Variants in PARD3 observed in about 807,000 individuals in gnomAD.
PARD3 encodes partitioning defective 3 homolog.
A neutral mutation model predicts 155.4 loss-of-function variants in PARD3; 75 were observed. That is an observed-to-expected ratio of 0.48 (90% CI 0.40 to 0.58). PARD3 has a LOEUF of 0.58. Ranked by LOEUF, PARD3 falls within the 20% of genes least tolerant of loss-of-function variation. The probability of loss-of-function intolerance (pLI) is 0.00; values close to 1 mark genes in which losing one functional copy is unlikely to be tolerated. For synonymous variants in PARD3, 576 were observed against 610.5 expected (o/e 0.94, Z 0.83); for missense variants, 1,642 against 1,721.7 (o/e 0.95, Z 0.82).
At position 34,776,833 on chromosome 10, in the gene PARD3, T is replaced by TTTTTGGGG. The variant is rs1564608800; in HGVS notation, c.120+38042_120+38043insCCCCAAAA. On this transcript the variant is annotated intron_variant, in intron 1 of 24. Coordinates refer to ENST00000374788, the MANE Select transcript of PARD3 (RefSeq NM_001184785.2). ...CCAAGTATTTTCAGTCGTGTTTTTTTGTGGGGGGGGGGGGCGGGTGGGGGA... is the reference window on the plus strand; with the variant it reads ...CCAAGTATTTTCAGTCGTGTTTTTTTTTTTGGGGGTGGGGGGGGGGGGCGGGTGGGGGA... Among the ~76,000 whole-genome samples, 2 of 9,918 alleles carry TTTTTGGGG rather than the reference T, an allele frequency of 2.0e-4. 1 individual carries two copies. Among genetic ancestry groups the TTTTTGGGG allele is most frequent in the African/African-American group, 5.7e-4 (2 of 3,492 alleles). The allele number at this position is 9,918 out of a possible 152,430, so 6.5% of individuals were successfully genotyped here.
intron 7 of PARD3, among the ~76,000 whole-genome samples, chr10:34,390,004 T>C (rs7094027): frequency 0.041 from 6,203 of 152,310 alleles, 405 homozygotes; most frequent in African/African-American, 0.14. Context: ...CCAATGCGTA[T>C]GTTATAGTTC....
chr10:34,341,133 A>C (rs1317506085), intron 16 of PARD3, among the ~76,000 whole-genome samples: 1 of 149,552 alleles, frequency 6.7e-6, no homozygotes. Flanking sequence ...AGAAGTCACT[A>C]TGTTAAAAGC....
rs767945506 is a variant in PARD3, at chr10:34,623,979, C to CA, written c.222+72338dup. 5.6e-3 allele frequency among the ~76,000 whole-genome samples: 670 copies of CA among 120,340 alleles called. 3 individuals are homozygous for CA. Among genetic ancestry groups the CA allele is most frequent in the South Asian group, 0.019 (70 of 3,698 alleles). 78.9% of individuals were successfully genotyped at this position (120,340 alleles called of 152,430 possible). A position where few individuals can be genotyped will look rare whatever the true frequency, so the allele number is the denominator to read the frequency against. On this transcript the variant is annotated intron_variant, in intron 2 of 24. Transcript: ENST00000374788. ...TGGGCCACAGAGCAAGACTCCGTCT[C>CA]AAAAAAAAAAAAAAAAGTCAGCGCG... is the stretch of plus-strand genomic sequence containing the variant.
intron 5 of PARD3, among the ~76,000 whole-genome samples, chr10:34,448,163 G>A (rs990182640): frequency 2.7e-5 from 4 of 149,638 alleles, no homozygotes; most frequent in African/African-American, 9.9e-5. Flanking sequence ...GTGTGTGTGT[G>A]TACACATAAA....
At chr10:34,525,484 A>G (rs914185976) in intron 2 of PARD3, among the ~76,000 whole-genome samples, 3 of 152,176 alleles carry the variant, frequency 2.0e-5, no homozygotes, top group Non-Finnish European at 1.5e-5. Context: ...GCAGTACCTC[A>G]CCTATGGGTA....
intron 22 of PARD3, among the ~76,000 whole-genome samples, chr10:34,237,569 T>C (rs2133620638): frequency 6.6e-6 from 1 of 152,308 alleles, no homozygotes; most frequent in South Asian, 2.1e-4. Context: ...CCATACAATA[T>C]CTCAAACAGC....
intron 2 of PARD3, among the ~76,000 whole-genome samples, chr10:34,622,679 A>G (rs2489655): frequency 0.53 from 80,027 of 152,010 alleles, 24,464 homozygotes; most frequent in African/African-American, 0.86. Flanking sequence ...TCAGCCAGTC[A>G]TTTTCAGTTT....
At chr10:34,763,353 A>G (rs982776125) in intron 1 of PARD3, among the ~76,000 whole-genome samples, 1 of 152,172 alleles carries the variant, frequency 6.6e-6, no homozygotes, top group Admixed American at 6.5e-5. Context: ...AAAGGTCACT[A>G]TTTTTGAAGA....
At chr10:34,567,944 A>C (rs896815481) in intron 2 of PARD3, among the ~76,000 whole-genome samples, 3 of 152,212 alleles carry the variant, frequency 2.0e-5, no homozygotes, top group Non-Finnish European at 2.9e-5. Context: ...CTTGTATCCT[A>C]TATCCAACAA....
intron 22 of PARD3, among the ~76,000 whole-genome samples, chr10:34,186,962 C>G (rs1950518728): frequency 6.6e-6 from 1 of 152,136 alleles, no homozygotes; most frequent in Non-Finnish European, 1.5e-5. Flanking sequence ...TCAAAAATCC[C>G]AAGTCAAAAC....
intron 1 of PARD3, among the ~76,000 whole-genome samples, chr10:34,706,264 G>C (rs995729594): frequency 6.6e-6 from 1 of 152,168 alleles, no homozygotes; most frequent in African/African-American, 2.4e-5. Flanking sequence ...TAAATAGCCG[G>C]CAAGAGGTCA....
intron 2 of PARD3, among the ~76,000 whole-genome samples, chr10:34,571,751 A>G (rs1290626080): frequency 1.3e-5 from 2 of 152,262 alleles, no homozygotes; most frequent in Non-Finnish European, 2.9e-5. Context: ...TGAACCAACA[A>G]GTCAAGTTTT....
At chr10:34,428,171 G>C (rs1484764943) in intron 5 of PARD3, among the ~76,000 whole-genome samples, 2 of 152,134 alleles carry the variant, frequency 1.3e-5, no homozygotes, top group African/African-American at 4.8e-5. Flanking sequence ...CTTCAAGATA[G>C]AACAACTAAC....
At chr10:34,727,235 C>T (rs1369364068) in intron 1 of PARD3, among the ~76,000 whole-genome samples, 1 of 152,198 alleles carries the variant, frequency 6.6e-6, no homozygotes, top group African/African-American at 2.4e-5. Flanking sequence ...TGCCTGCAAG[C>T]CTGAGAGCAT....
chr10:34,652,468 T>C (rs1189580789), intron 2 of PARD3, among the ~76,000 whole-genome samples: 3 of 152,174 alleles, frequency 2.0e-5, no homozygotes, highest in East Asian at 1.9e-4. Flanking sequence ...GGAATGCGTC[T>C]AGTTTGAGAA....
intron 20 of PARD3, among the ~76,000 whole-genome samples, chr10:34,298,121 T>C (rs2582858): frequency 0.015 from 2,246 of 152,332 alleles, 49 homozygotes; most frequent in African/African-American, 0.052. Context: ...AAATGAATTA[T>C]TCAGCCCTGT....
At chr10:34,156,950 G>A (rs1226184101) in intron 22 of PARD3, among the ~76,000 whole-genome samples, 2 of 151,990 alleles carry the variant, frequency 1.3e-5, no homozygotes, top group South Asian at 2.1e-4. Context: ...GAAAAAAGGA[G>A]GGGAAAAAAA....
chr10:34,642,216 CCT>C (rs1355985235), intron 2 of PARD3, among the ~76,000 whole-genome samples: 1 of 152,120 alleles, frequency 6.6e-6, no homozygotes, highest in Non-Finnish European at 1.5e-5. Context: ...TGCCTCGCAC[CCT>C]CTGTCATCCC....
chr10:34,512,177 A>C (rs2081438608), intron 3 of PARD3, among the ~76,000 whole-genome samples: 1 of 152,222 alleles, frequency 6.6e-6, no homozygotes. Context: ...TTCATTTATT[A>C]GCTGAAATAC....
Sources: allele counts gnomAD v4.1 joint callset (sites outside exome capture counted in the v4.1 genomes callset), GRCh38; gene constraint gnomAD v4.1.1; transcripts MANE v1.5; gene names NCBI Gene and HGNC (gene_info 2026-07-23, HGNC 2026-07-21).